Variants in SOX5 observed in about 807,000 individuals in gnomAD.
SOX5 encodes the protein transcription factor SOX-5.
A neutral mutation model predicts 92.0 loss-of-function variants in SOX5; 9 were observed. That is an observed-to-expected ratio of 0.10 (90% CI 0.06 to 0.17). SOX5 has a LOEUF of 0.17. Ranked by LOEUF, SOX5 falls within the 10% of genes least tolerant of loss-of-function variation. SOX5 has a pLI of 1.00. For missense variants in SOX5, 642 were observed against 944.5 expected, an observed-to-expected ratio of 0.68 and a Z score of 4.20; for synonymous variants, 344 against 336.3, an observed-to-expected ratio of 1.02 and a Z score of -0.25.
At chr12:24,473,335 G>A (rs979251906) in intron 1 of SOX5, among the ~76,000 whole-genome samples, 3 of 152,174 alleles carry the variant, frequency 2.0e-5, no homozygotes, top group African/African-American at 7.2e-5. Context: ...AAGCTACCCT[G>A]CCCCCATGAA....
chr12:24,087,109 CCAGA>C (rs1483063374), intron 4 of SOX5, among the ~76,000 whole-genome samples: 1 of 151,990 alleles, frequency 6.6e-6, no homozygotes, highest in East Asian at 1.9e-4. Context: ...TGGACACTGC[CCAGA>C]CAGTTACAGT....
intron 4 of SOX5, among the ~76,000 whole-genome samples, chr12:24,091,316 T>A (rs1231318846): frequency 2.6e-5 from 4 of 152,150 alleles, no homozygotes; most frequent in African/African-American, 9.7e-5. Flanking sequence ...ATATACTGTA[T>A]CATTGGTGTT....
intron 3 of SOX5, among the ~76,000 whole-genome samples, chr12:23,768,144 A>C (rs1187376913): frequency 6.6e-6 from 1 of 152,140 alleles, no homozygotes; most frequent in African/African-American, 2.4e-5. Context: ...AGTGCAATGA[A>C]ACATAAGCAG....
intron 4 of SOX5, among the ~76,000 whole-genome samples, chr12:24,172,952 T>C (rs1954368472): frequency 6.6e-6 from 1 of 152,226 alleles, no homozygotes; most frequent in African/African-American, 2.4e-5. Context: ...TTTCATAAAT[T>C]AGGTGCTTCT....
At chr12:24,250,454 C>T (rs1939798621) in intron 3 of SOX5, among the ~76,000 whole-genome samples, 1 of 152,120 alleles carries the variant, frequency 6.6e-6, no homozygotes, top group Non-Finnish European at 1.5e-5. Flanking sequence ...GTTGGTGTTC[C>T]ATTAATACCA....
intron 1 of SOX5, among the ~76,000 whole-genome samples, chr12:24,547,643 C>T (rs1278608524): frequency 6.6e-6 from 1 of 152,272 alleles, no homozygotes; most frequent in South Asian, 2.1e-4. Context: ...TATGTGCATA[C>T]ATTATTTTAA....
intron 1 of SOX5, among the ~76,000 whole-genome samples, chr12:24,440,728 G>A (rs1394260068): frequency 1.3e-5 from 2 of 151,660 alleles, no homozygotes; most frequent in Non-Finnish European, 2.9e-5. Flanking sequence ...TAAAGTCTCC[G>A]TCCTCCTCCC....
At chr12:24,543,435 C>T (rs140270445) in intron 1 of SOX5, among the ~76,000 whole-genome samples, 4 of 152,174 alleles carry the variant, frequency 2.6e-5, no homozygotes, top group Admixed American at 1.3e-4. Context: ...ACCTGTAATC[C>T]GAGCACTTCG....
At chr12:24,292,084 A>C (rs748855932) in intron 2 of SOX5, among the ~76,000 whole-genome samples, 6 of 152,214 alleles carry the variant, frequency 3.9e-5, no homozygotes, top group Non-Finnish European at 8.8e-5. Context: ...AAAGGGAAGT[A>C]AGGACTGGAA....
At chr12:24,218,043 C>T (rs949419750) in intron 3 of SOX5, among the ~76,000 whole-genome samples, 107 of 152,286 alleles carry the variant, frequency 7.0e-4, no homozygotes, top group African/African-American at 2.3e-3. Flanking sequence ...TGAAATGCTG[C>T]AGCTGCTATG....
At chr12:23,724,993 T>C (rs185952361) in intron 6 of SOX5, among the ~76,000 whole-genome samples, 1 of 152,316 alleles carries the variant, frequency 6.6e-6, no homozygotes, top group East Asian at 1.9e-4. Flanking sequence ...AGAATGGTGT[T>C]GGTCAATTTG....
At chr12:24,109,007 T>C (rs1449526867) in intron 4 of SOX5, among the ~76,000 whole-genome samples, 1 of 152,172 alleles carries the variant, frequency 6.6e-6, no homozygotes, top group Non-Finnish European at 1.5e-5. Flanking sequence ...CAGGTATTTA[T>C]TCTGCTTCTC....
intron 4 of SOX5, among the ~76,000 whole-genome samples, chr12:24,044,588 A>AGATT (rs1956823140): frequency 6.6e-6 from 1 of 152,244 alleles, no homozygotes; most frequent in Non-Finnish European, 1.5e-5. Context: ...CCTAAATATT[A>AGATT]GATTCAAAAT....
At chr12:24,374,748 C>T (rs574051137) in intron 1 of SOX5, among the ~76,000 whole-genome samples, 82 of 152,252 alleles carry the variant, frequency 5.4e-4, no homozygotes, top group Non-Finnish European at 9.7e-4. Context: ...ACACAGAGGT[C>T]AACTCAAGGA....
At chr12:24,461,942 T>A (rs922227625) in intron 1 of SOX5, among the ~76,000 whole-genome samples, 1 of 152,224 alleles carries the variant, frequency 6.6e-6, no homozygotes, top group Non-Finnish European at 1.5e-5. Context: ...TTGGGTTACA[T>A]CATTTACCTC....
At chr12:24,001,859 G>A (rs2136380170) in intron 4 of SOX5, among the ~76,000 whole-genome samples, 1 of 152,284 alleles carries the variant, frequency 6.6e-6, no homozygotes, top group East Asian at 1.9e-4. Flanking sequence ...AGTTACTTGG[G>A]AGGCTGAGGT....
chr12:24,358,482 G>A (rs73064467), intron 2 of SOX5, among the ~76,000 whole-genome samples: 5,311 of 151,836 alleles, frequency 0.035, 100 homozygotes, highest in Middle Eastern at 0.054. Flanking sequence ...TTGTCCTTTC[G>A]GCGCCAATGG....
chr12:23,542,859 A>G (rs1402590150), intron 13 of SOX5, among the ~76,000 whole-genome samples: 2 of 152,254 alleles, frequency 1.3e-5, no homozygotes, highest in African/African-American at 2.4e-5. Flanking sequence ...TAAGTTGTCT[A>G]TAGTATGCAA....
rs570043710 is a variant in SOX5, at chr12:24,108,514, C to T, written c.-2+104829G>A. 6.6e-5 allele frequency among the ~76,000 whole-genome samples: 10 copies of T among 152,152 alleles called. No individual in the cohort carries two copies. The South Asian group carries it at 1.9e-3, about 28-fold the overall frequency. On this transcript the variant is annotated intron_variant, in intron 4 of 4. Coordinates refer to the SOX5 transcript ENST00000446891. The stretch of plus-strand genomic sequence containing the variant: ...ACATTGTTGACTTCTGTCAAGTTAA[C>T]TCTCTAATTATTTGTTCTATAAGTA...
Sources: allele counts gnomAD v4.1 joint callset (sites outside exome capture counted in the v4.1 genomes callset), GRCh38; gene constraint gnomAD v4.1.1; transcripts MANE v1.5; gene names NCBI Gene and HGNC (gene_info 2026-07-23, HGNC 2026-07-21).